The following MAGI3 variants were observed in gnomAD, a reference collection of about 807,000 sequenced individuals.
MAGI3 encodes the protein membrane-associated guanylate kinase, WW and PDZ domain-containing protein 3.
A neutral mutation model predicts 121.8 loss-of-function variants in MAGI3; 43 were observed. The ratio of observed to expected loss-of-function variants is 0.35; its 90% CI spans 0.28 to 0.46. The LOEUF (loss-of-function observed/expected upper bound fraction) is 0.46, where lower values mean the gene tolerates loss of function less well. Ranked by LOEUF, MAGI3 falls within the 20% of genes least tolerant of loss-of-function variation. The pLI is 1.00. For synonymous variants in MAGI3, 553 were observed against 639.3 expected (o/e 0.86, Z 2.04); for missense variants, 1,547 against 1,797.3 (o/e 0.86, Z 2.52).
intron 1 of MAGI3, among the ~76,000 whole-genome samples, chr1:113,512,538 A>G (rs1657670122): frequency 6.6e-6 from 1 of 152,174 alleles, no homozygotes; most frequent in South Asian, 2.1e-4. Flanking sequence ...AAATTTTAAG[A>G]TTTTTAAAGC....
chr1:113,638,596 T>G (rs1406918979), intron 9 of MAGI3, among the ~76,000 whole-genome samples: 2 of 152,224 alleles, frequency 1.3e-5, no homozygotes, highest in Non-Finnish European at 2.9e-5. Context: ...TGGAAGTTTT[T>G]TCTCAGAGGA....
intron 1 of MAGI3, among the ~76,000 whole-genome samples, chr1:113,430,543 G>C (rs1653250222): frequency 6.6e-6 from 1 of 152,080 alleles, no homozygotes. Flanking sequence ...TGTTTAATTT[G>C]GTATAACTCA....
chr1:113,437,727 TTTCTTCTTCCTTTCCTCTTCTTCTTC>T (rs1200969360), intron 1 of MAGI3, among the ~76,000 whole-genome samples: 1 of 133,290 alleles, frequency 7.5e-6, no homozygotes, highest in East Asian at 1.9e-4. Flanking sequence ...CTTCTCCTTC[TTTCTTCTTCCTTTCCTCTTCTTCTTC>T]TTCATTTTTC....
intron 20 of MAGI3, among the ~76,000 whole-genome samples, chr1:113,681,761 G>T (rs751336387): frequency 1.3e-5 from 2 of 152,112 alleles, no homozygotes; most frequent in African/African-American, 4.8e-5. Flanking sequence ...TAATGAATGC[G>T]CAGCATGAAA....
chr1:113,483,971 C>T (rs1325224290), intron 1 of MAGI3, among the ~76,000 whole-genome samples: 1 of 151,842 alleles, frequency 6.6e-6, no homozygotes, highest in Non-Finnish European at 1.5e-5. Flanking sequence ...ATTTTACCTC[C>T]AAATATTTTA....
At chr1:113,403,466 A>G (rs887342920) in intron 1 of MAGI3, among the ~76,000 whole-genome samples, 1 of 152,172 alleles carries the variant, frequency 6.6e-6, no homozygotes, top group Non-Finnish European at 1.5e-5. Context: ...TGTTTTTAAT[A>G]TAATTTAATT....
At chr1:113,395,785 G>A (rs575765069) in intron 1 of MAGI3, among the ~76,000 whole-genome samples, 1 of 151,854 alleles carries the variant, frequency 6.6e-6, no homozygotes, top group Admixed American at 6.6e-5. Context: ...AATTTAGTTT[G>A]TAAAACTTTA....
At chr1:113,616,799 G>A (rs1332049838) in intron 7 of MAGI3, among the ~76,000 whole-genome samples, 1 of 151,718 alleles carries the variant, frequency 6.6e-6, no homozygotes, top group East Asian at 1.9e-4. Context: ...GTAATATATA[G>A]TGATTAGATC....
intron 6 of MAGI3, among the ~76,000 whole-genome samples, chr1:113,602,636 A>C (rs547261043): frequency 2.3e-4 from 35 of 152,340 alleles, no homozygotes; most frequent in African/African-American, 8.2e-4. Flanking sequence ...AAATTAAAAC[A>C]AACAAAAACA....
chr1:113,450,499 A>C, intron 1 of MAGI3: 1 of 1,039,502 alleles, frequency 9.6e-7, no homozygotes, highest in Non-Finnish European at 1.5e-6. Flanking sequence ...AAGGTGGTGG[A>C]TATGGTGGAG....
At chr1:113,435,355 T>G (rs1653515286) in intron 1 of MAGI3, among the ~76,000 whole-genome samples, 1 of 152,116 alleles carries the variant, frequency 6.6e-6, no homozygotes, top group Non-Finnish European at 1.5e-5. Context: ...CCTAAGTAAA[T>G]TTTTTCATTG....
At position 113,599,398 on chromosome 1, in the gene MAGI3, G is replaced by A. The variant is rs555647760; in HGVS notation, c.1018+4838G>A. Among the ~76,000 whole-genome samples the A allele has an allele frequency of 1.6e-3, 246 of 152,206 alleles. 1 individual carries two copies. Among genetic ancestry groups the A allele is most frequent in the African/African-American group, 5.5e-3 (227 of 41,528 alleles). Reference sequence around the variant, plus strand: ...AATGATAAAAGGGGATATCACCACCGATCCCACAGAAATAAAAACTACTAT... The same window carrying A: ...AATGATAAAAGGGGATATCACCACCAATCCCACAGAAATAAAAACTACTAT... On this transcript the variant is annotated intron_variant, in intron 6 of 20. Coordinates refer to ENST00000307546, the MANE Select transcript of MAGI3 (RefSeq NM_001142782.2).
chr1:113,642,344 A>G lies in MAGI3; in HGVS notation c.1794A>G (p.Gly598=), dbSNP rs1652593535. 1.2e-6 allele frequency: 2 copies of G among 1,614,034 alleles called. No individual in the cohort carries two copies. Among genetic ancestry groups the G allele is most frequent in the Admixed American group, 3.3e-5 (2 of 60,000 alleles). The change falls in exon 10 of 21, where the codon GGA becomes GGG. Residue 598 remains glycine, a synonymous_variant. Coordinates refer to ENST00000307546, the MANE Select transcript of MAGI3 (RefSeq NM_001142782.2). Reference sequence around the variant, plus strand: ...TTGCAATTGCTGACAGCCCTACTGGACAGAAGGTGAAAATGATACTGGATA... The same window carrying G: ...TTGCAATTGCTGACAGCCCTACTGGGCAGAAGGTGAAAATGATACTGGATA... ...FGFAIADSPT[G]QKVKMILDSQ...
At chr1:113,640,935 T>TATATAAAATATATC in intron 9 of MAGI3, among the ~76,000 whole-genome samples, 1 of 9,700 alleles carries the variant, frequency 1.0e-4, no homozygotes, top group South Asian at 3.9e-3. Context: ...TTATATATCA[T>TATATAAAATATATC]ATATATAAAT....
chr1:113,508,305 G>GAAAAT (rs1657445219), intron 1 of MAGI3, among the ~76,000 whole-genome samples: 1 of 152,152 alleles, frequency 6.6e-6, no homozygotes. Context: ...TGAAGTGATT[G>GAAAAT]AAAATAGAAA....
At chr1:113,406,142 T>TA (rs1178907744) in intron 1 of MAGI3, among the ~76,000 whole-genome samples, 8 of 150,530 alleles carry the variant, frequency 5.3e-5, no homozygotes, top group South Asian at 2.1e-4. Context: ...AAAATCATCT[T>TA]AAAAAAAAAT....
At chr1:113,680,532 C>T (rs1228806214) in intron 19 of MAGI3, among the ~76,000 whole-genome samples, 3 of 151,906 alleles carry the variant, frequency 2.0e-5, no homozygotes, top group Middle Eastern at 3.4e-3. Flanking sequence ...CTGAGGCGGG[C>T]GGATCACGAG....
At chr1:113,465,748 T>G (rs1332888547) in intron 1 of MAGI3, among the ~76,000 whole-genome samples, 1 of 152,202 alleles carries the variant, frequency 6.6e-6, no homozygotes, top group African/African-American at 2.4e-5. Flanking sequence ...GATTTTATAT[T>G]CATTGTAGCT....
chr1:113,613,906 GT>G (rs1272135892), intron 6 of MAGI3, among the ~76,000 whole-genome samples: 2 of 152,056 alleles, frequency 1.3e-5, no homozygotes, highest in East Asian at 1.9e-4. Flanking sequence ...CTAGAGATTT[GT>G]TTTAACTTTC....
Sources: gnomAD v4.1 joint callset for allele counts (sites outside exome capture counted in the v4.1 genomes callset) on GRCh38, gnomAD v4.1.1 for gene constraint, MANE v1.5 for transcripts, NCBI Gene and HGNC (gene_info 2026-07-23, HGNC 2026-07-21) for gene names.